The following DHX29 variants were observed in gnomAD, a reference collection of about 807,000 sequenced individuals.
DHX29 encodes the protein ATP-dependent RNA helicase DHX29.
A neutral mutation model predicts 167.9 loss-of-function variants in DHX29; 79 were observed. The ratio of observed to expected loss-of-function variants is 0.47; its 90% CI spans 0.39 to 0.57. The LOEUF (loss-of-function observed/expected upper bound fraction) is 0.57. Among genes scored for constraint, DHX29 ranks in the 20% least tolerant of loss-of-function variants. DHX29 has a pLI of 0.00. For synonymous variants in DHX29, 530 were observed against 546.0 expected (o/e 0.97, Z 0.41); for missense variants, 1,347 against 1,593.4 (o/e 0.85, Z 2.63).
At chr5:55,268,984 T>C (rs907269837) in intron 21 of DHX29, among the ~76,000 whole-genome samples, 5 of 152,096 alleles carry the variant, frequency 3.3e-5, no homozygotes, top group African/African-American at 4.8e-5. Flanking sequence ...ACTTCAGTAA[T>C]GGATGAACAG....
intron 8 of DHX29, among the ~76,000 whole-genome samples, chr5:55,286,088 A>C (rs1456057755): frequency 1.3e-5 from 2 of 152,058 alleles, no homozygotes; most frequent in Non-Finnish European, 2.9e-5. Flanking sequence ...CCTCGTCTCT[A>C]CTAAAAGTAC....
rs553635943 is a variant in DHX29, at chr5:55,271,963, G to A, written c.2864+124C>T. 43 of 542,644 alleles carry A rather than the reference G, an allele frequency of 7.9e-5. No individual in the cohort carries two copies. The African/African-American group carries it at 8.4e-4, about 11-fold the overall frequency. The allele number at this position is 542,644 out of a possible 1,614,324, so 33.6% of individuals were successfully genotyped here. On this transcript the variant is annotated intron_variant, in intron 18 of 26. Coordinates refer to ENST00000251636, the MANE Select transcript of DHX29 (RefSeq NM_019030.4). ...TTCCTATAGTTTCTCTAAGGCTTTT[G>A]CTTTGGACAGAACTAGGACATTTAG...
At chr5:55,277,935 G>C (rs988474941) in intron 12 of DHX29, among the ~76,000 whole-genome samples, 5 of 149,280 alleles carry the variant, frequency 3.3e-5, no homozygotes, top group Non-Finnish European at 5.9e-5. Context: ...AAAGATGTAA[G>C]GTATATCCCA....
At chr5:55,303,938 C>G (rs1190752617) in intron 1 of DHX29, among the ~76,000 whole-genome samples, 1 of 152,166 alleles carries the variant, frequency 6.6e-6, no homozygotes, top group Non-Finnish European at 1.5e-5. Context: ...ATTCCCAATT[C>G]TTATTCCCCT....
chr5:55,264,225 C>T (rs937131750), intron 23 of DHX29, among the ~76,000 whole-genome samples: 2 of 152,064 alleles, frequency 1.3e-5, no homozygotes, highest in Non-Finnish European at 2.9e-5. Flanking sequence ...TGTGGGGGAG[C>T]CCTGCTTTTC....
intron 1 of DHX29, among the ~76,000 whole-genome samples, chr5:55,301,410 C>A (rs1010226622): frequency 4.6e-5 from 7 of 152,110 alleles, no homozygotes; most frequent in Non-Finnish European, 8.8e-5. Context: ...TTGAGAAACA[C>A]TGCTGTATAA....
Position 55,283,723 on chromosome 5 carries a change from A to G in DHX29, c.1445T>C (p.Met482Thr), listed in dbSNP as rs199725973. The change falls in exon 11 of 27, where the codon ATG (methionine) becomes ACG (threonine). Residue 482 changes from methionine to threonine, a missense_variant. Physicochemically the swap from Met to Thr is moderately conservative, Grantham distance 81. This residue lies in a region of DHX29 where 882 missense variants were observed against 1,082.4 expected (regional missense o/e 0.81). Transcript: ENST00000251636. The stretch of plus-strand genomic sequence containing the variant: ...AAGATCACGTGGTTTATTGGTTTCC[A>G]TTTTATTTAATTCTTCCCTTTTCTT... ...AEKKREELNK[M>T]ETNKPRDLFI... is the part of the protein sequence containing the mutation. 76 of 1,613,786 alleles carry G rather than the reference A, an allele frequency of 4.7e-5. No homozygotes were observed. The East Asian group carries it at 1.7e-3, about 35-fold the overall frequency.
intron 24 of DHX29, among the ~76,000 whole-genome samples, chr5:55,261,998 A>G (rs1393554694): frequency 1.3e-5 from 2 of 152,202 alleles, no homozygotes; most frequent in Non-Finnish European, 2.9e-5. Flanking sequence ...TAAAGGGAGA[A>G]GAAATATGTT....
At chr5:55,287,163 C>A (rs1747775025) in intron 8 of DHX29, among the ~76,000 whole-genome samples, 1 of 152,172 alleles carries the variant, frequency 6.6e-6, no homozygotes, top group Non-Finnish European at 1.5e-5. Flanking sequence ...CTACTGAGGC[C>A]AGGCATGGTG....
intron 26 of DHX29, among the ~76,000 whole-genome samples, chr5:55,257,762 A>C (rs1425014101): frequency 6.6e-6 from 1 of 152,218 alleles, no homozygotes; most frequent in Admixed American, 6.5e-5. Context: ...TACTACACCC[A>C]ACTTGGTAAG....
chr5:55,273,977 C>T (rs1746974336), intron 16 of DHX29, among the ~76,000 whole-genome samples: 1 of 151,130 alleles, frequency 6.6e-6, no homozygotes, highest in East Asian at 2.0e-4. Context: ...GTCCCAGCTA[C>T]TTGGGGAGGT....
At position 55,295,473 on chromosome 5, in the gene DHX29, C is replaced by T. The variant is rs749098898; in HGVS notation, c.557G>A (p.Ser186Asn). The T allele has an allele frequency of 5.0e-6, 8 of 1,613,920 alleles. No homozygotes were observed. In the South Asian group the frequency reaches 8.8e-5, roughly 18 times the overall value. ...SQEFEEQQPK[S>N]RPKFQSPQIQ... ...TTGAGGAGACTGAAATTTAGGCCTA[C>T]TTTTAGGTTGCTGCTCTTCAAATTC... The change falls in exon 5 of 27, where the codon AGT becomes AAT. Residue 186 changes from serine (S) to asparagine (N), a missense_variant. This residue lies in a region of DHX29 where 405 missense variants were observed against 416.8 expected (regional missense o/e 0.97). Transcript: ENST00000251636.
At chr5:55,289,787 G>A (rs1476158388) in intron 7 of DHX29, among the ~76,000 whole-genome samples, 1 of 152,118 alleles carries the variant, frequency 6.6e-6, no homozygotes, top group Admixed American at 6.6e-5. Flanking sequence ...GATATTTTAT[G>A]GTATAAAAAT....
intron 6 of DHX29, among the ~76,000 whole-genome samples, chr5:55,293,727 C>T (rs1395035121): frequency 6.6e-6 from 1 of 152,104 alleles, no homozygotes; most frequent in Non-Finnish European, 1.5e-5. Flanking sequence ...TGTAAAGGAA[C>T]GTGCCTTATC....
At position 55,272,095 on chromosome 5, in the gene DHX29, T is replaced by C; in HGVS notation, c.2856A>G (p.Lys952=). ...VVFVIDTGRT[K]ENKYHESSQM... Reference sequence around the variant, plus strand: ...GGGAAATTTAAACTTACTTATTTTCTTTTGTTCTTCCAGTATCAATTACAA... The same window carrying C: ...GGGAAATTTAAACTTACTTATTTTCCTTTGTTCTTCCAGTATCAATTACAA... The change falls in exon 18 of 27, where the codon AAA becomes AAG. Residue 952 remains lysine, a synonymous_variant. Transcript: ENST00000251636. The C allele has an allele frequency of 6.4e-7, 1 of 1,563,972 alleles. No homozygotes were observed. Among genetic ancestry groups the C allele is most frequent in the Non-Finnish European group, 8.7e-7 (1 of 1,147,528 alleles).
chr5:55,289,531 T>G lies in DHX29; in HGVS notation c.908-103A>C, dbSNP rs1435515641. 1.9e-5 allele frequency: 17 copies of G among 879,708 alleles called. No individual in the cohort carries two copies. In the South Asian group the frequency reaches 4.7e-4, roughly 24 times the overall value. 54.5% of individuals were successfully genotyped at this position (879,708 alleles called of 1,614,324 possible). ...ATTTATACACCAAGAGTTTCATGGTTTTCATGCCTTATTTTTTAAAATGAT... is the reference window on the plus strand; with the variant it reads ...ATTTATACACCAAGAGTTTCATGGTGTTCATGCCTTATTTTTTAAAATGAT... On this transcript the variant is annotated intron_variant, in intron 7 of 26. Coordinates refer to ENST00000251636, the MANE Select transcript of DHX29 (RefSeq NM_019030.4).
At position 55,290,103 on chromosome 5, in the gene DHX29, T is replaced by C. The variant is rs946802641; in HGVS notation, c.907+115A>G. On this transcript the variant is annotated intron_variant, in intron 7 of 26. Transcript: ENST00000251636. ...TTATTTTAAAAGTTTGCTAATCCCA[T>C]GTATAAACTGTTAGAAAAGGGTAGA... is the stretch of plus-strand genomic sequence containing the variant. The C allele has an allele frequency of 8.0e-6, 10 of 1,250,364 alleles. No individual in the cohort carries two copies. In the East Asian group the frequency reaches 9.4e-5, roughly 12 times the overall value. The allele number at this position is 1,250,364 out of a possible 1,614,324, so 77.5% of individuals were successfully genotyped here.
intron 8 of DHX29, among the ~76,000 whole-genome samples, chr5:55,288,929 TAA>T (rs1387204458): frequency 6.6e-6 from 1 of 152,198 alleles, no homozygotes; most frequent in Non-Finnish European, 1.5e-5. Flanking sequence ...AATGCCATGC[TAA>T]AAGATTTGGA....
At chr5:55,264,558 A>G (rs563524396) in intron 23 of DHX29, among the ~76,000 whole-genome samples, 1 of 152,346 alleles carries the variant, frequency 6.6e-6, no homozygotes, top group African/African-American at 2.4e-5. Context: ...AGTCTTCCGT[A>G]CGAAAAGCAA....
Sources: gnomAD v4.1 joint callset for allele counts (sites outside exome capture counted in the v4.1 genomes callset) on GRCh38, gnomAD v4.1.1 for gene constraint, gnomAD v4.1.1 regional missense constraint, MANE v1.5 for transcripts, NCBI Gene and HGNC (gene_info 2026-07-23, HGNC 2026-07-21) for gene names.